CDK6: variants seen among roughly 807,000 people sequenced by gnomAD.
CDK6 encodes the protein cyclin-dependent kinase 6.
CDK6 carries 6 observed loss-of-function variants against 37.1 expected under a neutral mutation model. The observed-to-expected ratio is 0.16, with a 90% CI of 0.09 to 0.32. The LOEUF is 0.32. Among genes scored for constraint, CDK6 ranks in the 10% least tolerant of loss-of-function variants. The pLI is 1.00. For missense variants in CDK6, 224 were observed against 418.9 expected, an observed-to-expected ratio of 0.53 and a Z score of 4.06; for synonymous variants, 160 against 161.3, an observed-to-expected ratio of 0.99 and a Z score of 0.06.
At chr7:92,651,755 CTT>C (rs201093773) in intron 5 of CDK6, among the ~76,000 whole-genome samples, 33 of 141,342 alleles carry the variant, frequency 2.3e-4, no homozygotes, top group Non-Finnish European at 2.3e-4. Flanking sequence ...TACTAAAAAA[CTT>C]TTTTTTTTTT....
At chr7:92,715,261 T>C (rs571739275) in intron 4 of CDK6, among the ~76,000 whole-genome samples, 31 of 152,368 alleles carry the variant, frequency 2.0e-4, no homozygotes, top group African/African-American at 7.5e-4. Context: ...CTTGTAACTT[T>C]ATATCAGTAT....
intron 4 of CDK6, among the ~76,000 whole-genome samples, chr7:92,711,633 T>G (rs1474158925): frequency 2.1e-5 from 3 of 141,484 alleles, no homozygotes; most frequent in African/African-American, 7.8e-5. Flanking sequence ...TGGCATGATC[T>G]CTCAGCTCAC....
chr7:92,816,237 T>C (rs886811472), intron 2 of CDK6, among the ~76,000 whole-genome samples: 4 of 151,860 alleles, frequency 2.6e-5, no homozygotes, highest in African/African-American at 7.3e-5. Flanking sequence ...TCAATAGAAA[T>C]AGACTCAGAA....
At chr7:92,626,046 T>G (rs1436779896) in intron 5 of CDK6, among the ~76,000 whole-genome samples, 1 of 152,024 alleles carries the variant, frequency 6.6e-6, no homozygotes, top group African/African-American at 2.4e-5. Context: ...ATTCTAGAGT[T>G]GTTATCAGTT....
rs1403820077 is a variant in CDK6, at chr7:92,615,147, G to A, written c.974C>T (p.Thr325Ile). The A allele has an allele frequency of 1.2e-6, 2 of 1,613,576 alleles. No individual in the cohort carries two copies. The highest frequency in any genetic ancestry group is 1.3e-5 in the African/African-American group (1 of 74,928). ...PPSQNTSELN[T>I]A is the part of the protein sequence containing the mutation. Reference sequence around the variant, plus strand: ...AAGGCGGCTGCTGAGGCCTCAGGCTGTATTCAGCTCCGAGGTGTTCTGGCT... The same window carrying A: ...AAGGCGGCTGCTGAGGCCTCAGGCTATATTCAGCTCCGAGGTGTTCTGGCT... The change falls in exon 8 of 8, where the codon ACA (threonine) becomes ATA (isoleucine). Residue 325 changes from threonine (T) to isoleucine (I), a missense_variant. Around this residue, in one of 5 missense-constraint regions of CDK6, gnomAD observed 90 missense variants for 136.2 expected, o/e 0.66. Transcript: ENST00000424848.
At chr7:92,618,018 G>C (rs2116483412) in intron 7 of CDK6, 54 bp downstream of exon 7, 1 of 1,590,500 alleles carries the variant, frequency 6.3e-7, no homozygotes, top group Non-Finnish European at 8.6e-7. Context: ...AGTCTGGGTA[G>C]AGCAGGTGTC....
chr7:92,674,706 TAC>T (rs1299942275), intron 4 of CDK6, among the ~76,000 whole-genome samples: 1 of 152,238 alleles, frequency 6.6e-6, no homozygotes, highest in Non-Finnish European at 1.5e-5. Context: ...TTGACAGAAA[TAC>T]ACAGATATCA....
intron 3 of CDK6, among the ~76,000 whole-genome samples, chr7:92,728,579 T>C (rs570815121): frequency 1.3e-5 from 2 of 152,308 alleles, no homozygotes; most frequent in African/African-American, 4.8e-5. Context: ...ACTACAGGTC[T>C]AGTTCTTGTT....
In CDK6 at chr7:92,685,172, T is replaced by C. The variant is rs931869728; in HGVS notation, c.538-13637A>G. ...GTTGATTAAATAATTACAGAATATA[T>C]ACATTCATTTGCTCTTAATGAGCCA... is the stretch of plus-strand genomic sequence containing the variant. On this transcript the variant is annotated intron_variant, in intron 4 of 7. Transcript: ENST00000424848. Among the ~76,000 whole-genome samples, 7 of 152,236 alleles carry C rather than the reference T, an allele frequency of 4.6e-5. No homozygotes were observed. In the South Asian group the frequency reaches 1.2e-3, roughly 27 times the overall value.
intron 4 of CDK6, among the ~76,000 whole-genome samples, chr7:92,691,880 G>A (rs1159066828): frequency 6.6e-6 from 1 of 152,174 alleles, no homozygotes; most frequent in Non-Finnish European, 1.5e-5. Context: ...AAATGTAAGC[G>A]TAAAAGCAAG....
At chr7:92,780,713 A>G (rs1045631436) in intron 2 of CDK6, among the ~76,000 whole-genome samples, 3 of 149,652 alleles carry the variant, frequency 2.0e-5, no homozygotes, top group Admixed American at 6.7e-5. Context: ...GTGAGCCGAG[A>G]CCGTGCCACT....
intron 2 of CDK6, among the ~76,000 whole-genome samples, chr7:92,828,758 T>C (rs1390796566): frequency 1.3e-5 from 2 of 152,154 alleles, no homozygotes; most frequent in Non-Finnish European, 2.9e-5. Context: ...TCTATGTTGA[T>C]AGTGGTTGTA....
At chr7:92,633,541 T>C (rs1018447404) in intron 5 of CDK6, among the ~76,000 whole-genome samples, 3 of 152,120 alleles carry the variant, frequency 2.0e-5, no homozygotes, top group African/African-American at 7.2e-5. Flanking sequence ...AAGTTGGTGT[T>C]TGACAACTGT....
rs755309013 is a variant in CDK6 at position 92,833,292 on chromosome 7, T to C, written c.32A>G (p.Gln11Arg). 1.2e-6 allele frequency: 2 copies of C among 1,606,500 alleles called. No homozygotes were observed. The highest frequency in any genetic ancestry group is 1.7e-6 in the Non-Finnish European group (2 of 1,177,786). The change falls in exon 2 of 8, where the codon CAG (glutamine) becomes CGG (arginine). Residue 11 changes from glutamine to arginine, a missense_variant. This residue lies in a region of CDK6 where 18 missense variants were observed against 18.5 expected (regional missense o/e 0.97). Coordinates refer to ENST00000424848, the MANE Select transcript of CDK6 (RefSeq NM_001145306.2). The surrounding 1 kb of genome is among the most constrained non-coding windows in gnomAD (Gnocchi z 6.1). MEKDGLCRAD[Q>R]QYECVAEIGE... ...GATCTCCGCCACGCATTCGTACTGC[T>C]GGTCAGCGCGGCACAGGCCGTCCTT...
intron 4 of CDK6, among the ~76,000 whole-genome samples, chr7:92,705,940 A>G (rs1797955988): frequency 6.6e-6 from 1 of 152,280 alleles, no homozygotes; most frequent in Admixed American, 6.5e-5. Flanking sequence ...TTGTAAAACA[A>G]AACAAGACAG....
In CDK6 at chr7:92,614,730, T is replaced by G; in HGVS notation, c.*410A>C. On this transcript the variant is annotated 3_prime_UTR_variant, in exon 8 of 8. Transcript: ENST00000424848. ...ACACACACACACACACACACACACA[T>G]GCACACACACACTCAAAAGTACCAA... 1 of 256,198 alleles carries G rather than the reference T, an allele frequency of 3.9e-6. No homozygotes were observed. The highest frequency in any genetic ancestry group is 7.2e-6 in the Non-Finnish European group (1 of 138,050). The allele number at this position is 256,198 out of a possible 1,614,324, so 15.9% of individuals were successfully genotyped here.
chr7:92,779,628 A>C (rs893960413), intron 2 of CDK6, among the ~76,000 whole-genome samples: 1 of 152,032 alleles, frequency 6.6e-6, no homozygotes, highest in Non-Finnish European at 1.5e-5. Context: ...CCTGTAGGAT[A>C]CTCTCTTTTT....
Position 92,786,979 on chromosome 7 carries a change from T to C in CDK6, c.234-12148A>G, listed in dbSNP as rs998140124. Among the ~76,000 whole-genome samples the C allele has an allele frequency of 2.0e-5, 3 of 151,322 alleles. No individual in the cohort carries two copies. The East Asian group carries it at 5.8e-4, about 29-fold the overall frequency. ...GGGGTGGATCACTTGAGGTCAGGAG[T>C]TCGAGATCAGCCTGGCCAACATGGT... is the stretch of plus-strand genomic sequence containing the variant. On this transcript the variant is annotated intron_variant, in intron 2 of 7. Coordinates refer to ENST00000424848, the MANE Select transcript of CDK6 (RefSeq NM_001145306.2).
At chr7:92,662,331 T>C (rs1187742984) in intron 5 of CDK6, among the ~76,000 whole-genome samples, 2 of 152,002 alleles carry the variant, frequency 1.3e-5, no homozygotes, top group Non-Finnish European at 2.9e-5. Flanking sequence ...TGGAAGTAGG[T>C]TGGGGCTTAA....
Sources: gnomAD v4.1 joint callset for allele counts (sites outside exome capture counted in the v4.1 genomes callset) on GRCh38, gnomAD v4.1.1 for gene constraint, gnomAD v4.1.1 regional missense constraint, Gnocchi (gnomAD v3.1) non-coding constraint, MANE v1.5 for transcripts, NCBI Gene and HGNC (gene_info 2026-07-23, HGNC 2026-07-21) for gene names.